The following SNX9 variants were observed in gnomAD, a reference collection of about 807,000 sequenced individuals.
SNX9 encodes sorting nexin-9.
In SNX9, 44 loss-of-function variants were observed where a neutral mutation model predicts 89.4. The ratio of observed to expected loss-of-function variants is 0.49; its 90% CI spans 0.39 to 0.63. SNX9 has a LOEUF of 0.63. SNX9 is among the 30% of genes least tolerant of loss of function. The probability of loss-of-function intolerance (pLI) is 0.00; values close to 1 mark genes in which losing one functional copy is unlikely to be tolerated. For synonymous variants in SNX9, 236 were observed against 247.8 expected, an observed-to-expected ratio of 0.95 and a Z score of 0.45; for missense variants, 578 against 736.1, an observed-to-expected ratio of 0.79 and a Z score of 2.49.
chr6:157,869,385 A>G (rs545217937), intron 2 of SNX9, among the ~76,000 whole-genome samples: 16 of 152,190 alleles, frequency 1.1e-4, no homozygotes, highest in Admixed American at 5.2e-4. Context: ...CAAGCACTTC[A>G]CACTGACCAC....
At chr6:157,900,387 G>A (rs1002155983) in intron 5 of SNX9, among the ~76,000 whole-genome samples, 1 of 152,048 alleles carries the variant, frequency 6.6e-6, no homozygotes, top group Non-Finnish European at 1.5e-5. Context: ...TACATGGCTC[G>A]CAAATATTTT....
intron 16 of SNX9, among the ~76,000 whole-genome samples, chr6:157,940,412 CTTG>C (rs1177031494): frequency 6.6e-6 from 1 of 152,142 alleles, no homozygotes; most frequent in Non-Finnish European, 1.5e-5. Context: ...TTGTCATTAG[CTTG>C]TTTTGTTTTG....
intron 1 of SNX9, among the ~76,000 whole-genome samples, chr6:157,861,340 C>G (rs1782115821): frequency 1.3e-5 from 2 of 152,066 alleles, no homozygotes; most frequent in South Asian, 4.2e-4. Flanking sequence ...ATTAATTGAC[C>G]CGCATCCCCT....
At chr6:157,826,733 T>G (rs1254838775) in intron 1 of SNX9, among the ~76,000 whole-genome samples, 4 of 134,236 alleles carry the variant, frequency 3.0e-5, no homozygotes, top group Non-Finnish European at 4.5e-5. Context: ...AGCCAAAATA[T>G]AACCTATTTA....
At chr6:157,900,591 T>A (rs189632672) in intron 5 of SNX9, among the ~76,000 whole-genome samples, 3 of 152,212 alleles carry the variant, frequency 2.0e-5, no homozygotes, top group Non-Finnish European at 4.4e-5. Flanking sequence ...TTATTAAGTT[T>A]AGTGAGGGCG....
chr6:157,929,107 T>C (rs1453367899), intron 12 of SNX9, among the ~76,000 whole-genome samples: 4 of 152,176 alleles, frequency 2.6e-5, no homozygotes, highest in Non-Finnish European at 5.9e-5. Flanking sequence ...CCAATATAGT[T>C]AGTAGTAGAA....
At chr6:157,886,819 A>G (rs767182101) in intron 4 of SNX9, among the ~76,000 whole-genome samples, 2 of 152,124 alleles carry the variant, frequency 1.3e-5, no homozygotes, top group South Asian at 2.1e-4. Context: ...TTTTTCTGAC[A>G]GTAGCATGGA....
In SNX9 at chr6:157,826,833, T is replaced by TATATATATTATATTTTATATATAA. The variant is rs1306080032; in HGVS notation, c.12+3400_12+3423dup. ...ATATATAAATATATATTATATTTTA[T>TATATATATTATATTTTATATATAA]ATATATATTATATTTTATATATAAA... On this transcript the variant is annotated intron_variant, in intron 1 of 17. Transcript: ENST00000392185. Among the ~76,000 whole-genome samples the TATATATATTATATTTTATATATAA allele has an allele frequency of 8.3e-4, 92 of 111,488 alleles. 12 individuals carry two copies. The East Asian group carries it at 0.021, about 26-fold the overall frequency. 73.1% of individuals were successfully genotyped at this position (111,488 alleles called of 152,430 possible).
intron 16 of SNX9, among the ~76,000 whole-genome samples, chr6:157,939,386 C>G (rs1045614175): frequency 5.3e-5 from 8 of 151,908 alleles, no homozygotes; most frequent in African/African-American, 1.5e-4. Context: ...CTTGAAAGCT[C>G]TAGACTTGAT....
chr6:157,906,130 T>A lies in SNX9; in HGVS notation c.623T>A (p.Phe208Tyr). The A allele has an allele frequency of 6.2e-7, 1 of 1,609,638 alleles. No homozygotes were observed. Among genetic ancestry groups the A allele is most frequent in the Non-Finnish European group, 8.5e-7 (1 of 1,178,606 alleles). Residue 208 changes from phenylalanine to tyrosine, a missense_variant and splice_region_variant, in exon 7 of 18, where the codon TTT becomes TAT. Phe to Tyr is a conservative substitution (Grantham distance 22, BLOSUM62 3). Coordinates refer to ENST00000392185, the MANE Select transcript of SNX9 (RefSeq NM_016224.5). ...TGAACATTTATATTCATGATTAGATTTCCTGGATTTGCGAAACCTGGCACG... is the reference window on the plus strand; with the variant it reads ...TGAACATTTATATTCATGATTAGATATCCTGGATTTGCGAAACCTGGCACG... ...SSSMKIPLNK[F>Y]PGFAKPGTEQ... is the part of the protein sequence containing the mutation.
intron 6 of SNX9, among the ~76,000 whole-genome samples, chr6:157,904,665 G>A (rs1430455493): frequency 6.6e-6 from 1 of 151,986 alleles, no homozygotes; most frequent in Non-Finnish European, 1.5e-5. Context: ...AGCCGAGATC[G>A]CGCCACTGTA....
At chr6:157,891,691 T>A (rs1164304792) in intron 4 of SNX9, among the ~76,000 whole-genome samples, 1 of 152,228 alleles carries the variant, frequency 6.6e-6, no homozygotes, top group Non-Finnish European at 1.5e-5. Flanking sequence ...CCATCTGATT[T>A]GCAAATAATG....
chr6:157,905,149 A>G lies in SNX9; in HGVS notation c.621-979A>G, dbSNP rs918318708. Among the ~76,000 whole-genome samples, 8 of 152,240 alleles carry G rather than the reference A, an allele frequency of 5.3e-5. No individual in the cohort carries two copies. The East Asian group carries it at 9.7e-4, about 18-fold the overall frequency. On this transcript the variant is annotated intron_variant, in intron 6 of 17. Transcript: ENST00000392185. ...CCCATGCCATCCAGCTGCAGGACAC[A>G]TCTGGTCTCTTGTGTAAGCTGCGTT...
chr6:157,897,361 A>G (rs1385723485), intron 5 of SNX9, among the ~76,000 whole-genome samples: 2 of 152,152 alleles, frequency 1.3e-5, no homozygotes, highest in Non-Finnish European at 2.9e-5. Flanking sequence ...AGATGAAGAG[A>G]TGCATAGGGC....
intron 1 of SNX9, among the ~76,000 whole-genome samples, chr6:157,841,193 T>C (rs1781695975): frequency 6.6e-6 from 1 of 152,190 alleles, no homozygotes; most frequent in African/African-American, 2.4e-5. Context: ...TCTTTATTCT[T>C]TCATGGTTCC....
intron 1 of SNX9, among the ~76,000 whole-genome samples, chr6:157,864,365 T>A (rs1315414654): frequency 6.6e-6 from 1 of 152,172 alleles, no homozygotes; most frequent in Admixed American, 6.5e-5. Flanking sequence ...CAACATGAGT[T>A]TTGGAGGGTC....
At chr6:157,848,522 G>A (rs1781846156) in intron 1 of SNX9, among the ~76,000 whole-genome samples, 1 of 152,196 alleles carries the variant, frequency 6.6e-6, no homozygotes, top group Non-Finnish European at 1.5e-5. Context: ...TTTTAGCTGG[G>A]GCAGTAAACC....
intron 1 of SNX9, among the ~76,000 whole-genome samples, chr6:157,829,987 G>A (rs1781451806): frequency 6.6e-6 from 1 of 152,138 alleles, no homozygotes; most frequent in African/African-American, 2.4e-5. Flanking sequence ...ATTAAAGTCT[G>A]AAATTACTTA....
intron 9 of SNX9, among the ~76,000 whole-genome samples, chr6:157,920,521 C>T (rs931509234): frequency 1.3e-5 from 2 of 152,170 alleles, no homozygotes; most frequent in African/African-American, 2.4e-5. Context: ...GCAGCAGATG[C>T]GGGGGAGACA....
Sources: allele counts gnomAD v4.1 joint callset (sites outside exome capture counted in the v4.1 genomes callset), GRCh38; gene constraint gnomAD v4.1.1; transcripts MANE v1.5; gene names NCBI Gene and HGNC (gene_info 2026-07-23, HGNC 2026-07-21).